SIL1: variants seen among roughly 807,000 people sequenced by gnomAD.
SIL1 encodes nucleotide exchange factor SIL1.
SIL1 carries 40 observed loss-of-function variants against 49.1 expected under a neutral mutation model. That is an observed-to-expected ratio of 0.81 (90% CI 0.63 to 1.06). The LOEUF (loss-of-function observed/expected upper bound fraction) is 1.06. Among genes scored for constraint, SIL1 ranks in the 50% least tolerant of loss-of-function variants. SIL1 has a pLI of 0.00. For missense variants in SIL1, 500 were observed against 572.6 expected (o/e 0.87, Z 1.29); for synonymous variants, 253 against 250.8 (o/e 1.01, Z -0.08).
intron 3 of SIL1, among the ~76,000 whole-genome samples, chr5:139,105,958 A>G (rs1252605706): frequency 6.6e-6 from 1 of 152,258 alleles, no homozygotes; most frequent in Non-Finnish European, 1.5e-5. Context: ...GATCTCTGCA[A>G]GCGAAGCCGT....
chr5:139,025,982 T>A (rs1768640779), intron 6 of SIL1, among the ~76,000 whole-genome samples: 1 of 152,124 alleles, frequency 6.6e-6, no homozygotes, highest in African/African-American at 2.4e-5. Flanking sequence ...CTATGGGCAG[T>A]AGTTTGCCAT....
chr5:139,137,218 T>C, intron 1 of SIL1: 1 of 649,120 alleles, frequency 1.5e-6, no homozygotes, highest in Non-Finnish European at 2.8e-6. Flanking sequence ...ACTTTCCATG[T>C]TGCAAGCAAA....
At chr5:138,996,910 C>A (rs1481807500) in intron 7 of SIL1, among the ~76,000 whole-genome samples, 1 of 152,066 alleles carries the variant, frequency 6.6e-6, no homozygotes, top group African/African-American at 2.4e-5. Flanking sequence ...AAATCTTTGC[C>A]CAGAACAATG....
intron 1 of SIL1, among the ~76,000 whole-genome samples, chr5:139,175,039 A>G (rs1304638621): frequency 6.6e-6 from 1 of 151,640 alleles, no homozygotes; most frequent in Non-Finnish European, 1.5e-5. Flanking sequence ...AGAGTGTACT[A>G]GGCCAGGCGC....
At chr5:139,090,376 T>C (rs1210245370) in intron 3 of SIL1, among the ~76,000 whole-genome samples, 4 of 152,184 alleles carry the variant, frequency 2.6e-5, no homozygotes, top group Non-Finnish European at 4.4e-5. Flanking sequence ...TCATCAGTTC[T>C]CATGTCTCCA....
chr5:138,976,852 T>C (rs1406327546), intron 7 of SIL1, among the ~76,000 whole-genome samples: 8 of 152,188 alleles, frequency 5.3e-5, no homozygotes, highest in African/African-American at 1.9e-4. Flanking sequence ...AAAAAAAAAT[T>C]TGTAGGGCAA....
intron 1 of SIL1, among the ~76,000 whole-genome samples, chr5:139,142,359 C>A (rs1751096519): frequency 6.6e-6 from 1 of 152,204 alleles, no homozygotes. Flanking sequence ...AGACCAATAT[C>A]TCTTATAATA....
chr5:139,048,853 G>C (rs554853841), intron 4 of SIL1, among the ~76,000 whole-genome samples: 1 of 152,214 alleles, frequency 6.6e-6, no homozygotes, highest in African/African-American at 2.4e-5. Context: ...TTACATGGTT[G>C]TTAGAAAGGA....
At chr5:138,970,797 G>A (rs1477964021) in intron 7 of SIL1, among the ~76,000 whole-genome samples, 1 of 152,166 alleles carries the variant, frequency 6.6e-6, no homozygotes, top group Non-Finnish European at 1.5e-5. Context: ...AGCTACTAGG[G>A]AGGCTGAGGC....
At chr5:139,101,754 C>A (rs574812568) in intron 3 of SIL1, among the ~76,000 whole-genome samples, 1 of 152,180 alleles carries the variant, frequency 6.6e-6, no homozygotes, top group African/African-American at 2.4e-5. Context: ...TAACTGCTTG[C>A]TATCAAAGGG....
chr5:138,959,896 CCTAAAGGCTGCTCACATGATCTTCTGATG>C (rs1561805470), intron 7 of SIL1, among the ~76,000 whole-genome samples: 2 of 152,192 alleles, frequency 1.3e-5, no homozygotes, highest in Admixed American at 1.3e-4. Flanking sequence ...AGGTCAAATC[CCTAAAGGCTGCTCACATGATCTTCTGATG>C]AGCCAGGGGG....
chr5:139,084,347 C>T (rs372629342), intron 3 of SIL1, among the ~76,000 whole-genome samples: 27 of 130,360 alleles, frequency 2.1e-4, no homozygotes, highest in African/African-American at 6.8e-4. Context: ...ATGTTTATTG[C>T]GGCACTATTC....
chr5:139,057,905 C>T (rs1202575445), intron 3 of SIL1, among the ~76,000 whole-genome samples: 1 of 152,190 alleles, frequency 6.6e-6, no homozygotes, highest in Non-Finnish European at 1.5e-5. Flanking sequence ...GGCCAGGAGG[C>T]ACCCTCAAGC....
At chr5:139,056,613 G>T (rs1433747877) in intron 3 of SIL1, among the ~76,000 whole-genome samples, 1 of 144,266 alleles carries the variant, frequency 6.9e-6, no homozygotes, top group South Asian at 2.2e-4. Context: ...TCAGCCCCCC[G>T]CCCGGCCAGC....
At chr5:138,987,547 T>G (rs1767672136) in intron 7 of SIL1, among the ~76,000 whole-genome samples, 1 of 152,086 alleles carries the variant, frequency 6.6e-6, no homozygotes, top group Non-Finnish European at 1.5e-5. Flanking sequence ...CCTCTAGAAG[T>G]TTTCAGCTGG....
chr5:139,067,149 G>C (rs1228849825), intron 3 of SIL1, among the ~76,000 whole-genome samples: 1 of 152,116 alleles, frequency 6.6e-6, no homozygotes, highest in African/African-American at 2.4e-5. Flanking sequence ...TGAAATGTGG[G>C]GCAGAAGGAT....
At chr5:138,994,784 C>T (rs933543114) in intron 7 of SIL1, among the ~76,000 whole-genome samples, 6 of 152,110 alleles carry the variant, frequency 3.9e-5, no homozygotes, top group Admixed American at 6.5e-5. Flanking sequence ...GTTTGCTGCA[C>T]CTATCAGCCC....
chr5:139,129,702 T>A (rs964407908), intron 1 of SIL1, among the ~76,000 whole-genome samples: 4 of 152,142 alleles, frequency 2.6e-5, no homozygotes, highest in African/African-American at 9.7e-5. Context: ...AGTTGGACCC[T>A]TACCTTATAT....
At chr5:139,082,935 G>C (rs1007887573) in intron 3 of SIL1, among the ~76,000 whole-genome samples, 3 of 152,200 alleles carry the variant, frequency 2.0e-5, no homozygotes, top group Non-Finnish European at 4.4e-5. Flanking sequence ...TAGACGAACA[G>C]GAAGGCCCCA....
Sources: gnomAD v4.1 joint callset for allele counts (sites outside exome capture counted in the v4.1 genomes callset) on GRCh38, gnomAD v4.1.1 for gene constraint, MANE v1.5 for transcripts, NCBI Gene and HGNC (gene_info 2026-07-23, HGNC 2026-07-21) for gene names.